TEX11: variants seen among roughly 807,000 people sequenced by gnomAD.
The protein encoded by TEX11 is testis expressed 11, also known as testis-expressed protein 11.
TEX11 carries 7 observed loss-of-function variants against 84.4 expected under a neutral mutation model. The observed-to-expected ratio is 0.08, with a 90% CI of 0.05 to 0.16. The LOEUF (loss-of-function observed/expected upper bound fraction) is 0.16. Ranked by LOEUF, TEX11 falls within the 10% of genes least tolerant of loss-of-function variation. TEX11 has a pLI of 1.00. For missense variants in TEX11, 551 were observed against 660.5 expected, an observed-to-expected ratio of 0.83 and a Z score of 1.82; for synonymous variants, 264 against 222.8, an observed-to-expected ratio of 1.18 and a Z score of -1.64.
chrX:70,894,356 A>G (rs1172292608), intron 2 of TEX11, among the ~76,000 whole-genome samples: 2 of 110,615 alleles, frequency 1.8e-5, no homozygotes, highest in African/African-American at 6.6e-5. Flanking sequence ...GGCCAGGCGC[A>G]GTGGCTCACA....
intron 2 of TEX11, 105 bp from the exon 3 acceptor site, chrX:70,880,214 G>C: frequency 1.9e-6 from 1 of 519,679 alleles, no homozygotes; most frequent in Non-Finnish European, 2.8e-6. Flanking sequence ...AATGAATACA[G>C]CATGAAGGAA....
intron 9 of TEX11, among the ~76,000 whole-genome samples, chrX:70,751,128 T>G (rs2090821051): frequency 9.6e-6 from 1 of 104,348 alleles, no homozygotes; most frequent in African/African-American, 3.4e-5. Flanking sequence ...CTCCCATTAC[T>G]GGGTATATAC....
chrX:70,860,913 G>A lies in TEX11; in HGVS notation c.268C>T (p.Leu90=), dbSNP rs758018738. 8.5e-7 allele frequency: 1 copy of A among 1,182,190 alleles called. No homozygotes were observed. The highest frequency in any genetic ancestry group is 2.6e-5 in the Admixed American group (1 of 39,107). ...GCAAATGAGGCTTCACACATACTCA[G>A]CAACTTGCAAGCAACATAATGTACT... The part of the protein sequence containing the change: ...IRLHYVACKL[L]SMCEASFASE... The change falls in exon 5 of 30, where the codon CTG becomes TTG. Residue 90 remains leucine, a synonymous_variant. Transcript: ENST00000374333.
chrX:70,718,673 A>G (rs1164062344), intron 13 of TEX11, among the ~76,000 whole-genome samples: 1 of 111,217 alleles, frequency 9.0e-6, no homozygotes, highest in Non-Finnish European at 1.9e-5. Context: ...ACATCCCGAA[A>G]CTCCCCTTCA....
At chrX:70,696,017 T>C (rs1313826080) in intron 13 of TEX11, among the ~76,000 whole-genome samples, 1 of 111,769 alleles carries the variant, frequency 8.9e-6, no homozygotes, top group Non-Finnish European at 1.9e-5. Context: ...TAATGATCAT[T>C]TTTCCATTTC....
At chrX:70,725,784 T>C (rs1225067316) in intron 11 of TEX11, among the ~76,000 whole-genome samples, 1 of 112,162 alleles carries the variant, frequency 8.9e-6, no homozygotes, top group South Asian at 3.7e-4. Context: ...AACAACGTTA[T>C]TTCTAAATCA....
chrX:70,648,197 G>A (rs1220365222), intron 17 of TEX11, among the ~76,000 whole-genome samples: 1 of 110,877 alleles, frequency 9.0e-6, no homozygotes, highest in African/African-American at 3.3e-5. Context: ...CTCACTCATA[G>A]GTGGGAATTG....
chrX:70,698,729 CT>C (rs1212276738), intron 13 of TEX11, among the ~76,000 whole-genome samples: 1 of 66,041 alleles, frequency 1.5e-5, no homozygotes, highest in East Asian at 5.0e-4. Context: ...TTATGGGAAC[CT>C]CCCAGCTTGA....
At chrX:70,746,033 A>C (rs1463129239) in intron 9 of TEX11, among the ~76,000 whole-genome samples, 2 of 111,909 alleles carry the variant, frequency 1.8e-5, no homozygotes, top group Non-Finnish European at 3.8e-5. Context: ...AATTGTCCTA[A>C]GGGCACACAG....
intron 8 of TEX11, among the ~76,000 whole-genome samples, chrX:70,831,929 GA>G (rs775434647): frequency 4.5e-5 from 5 of 110,350 alleles, no homozygotes; most frequent in Non-Finnish European, 9.4e-5. Flanking sequence ...AAAAATGGAG[GA>G]AAAAAGAATA....
intron 24 of TEX11, among the ~76,000 whole-genome samples, chrX:70,593,538 A>AT (rs1281643408): frequency 8.9e-6 from 1 of 112,168 alleles, no homozygotes. Flanking sequence ...ACAGGAACTG[A>AT]TTTTGAAAAA....
intron 17 of TEX11, among the ~76,000 whole-genome samples, chrX:70,641,377 AG>A (rs1370975963): frequency 1.8e-5 from 2 of 110,817 alleles, no homozygotes; most frequent in Non-Finnish European, 3.8e-5. Context: ...AAAGTCAACA[AG>A]GATACCCAGG....
chrX:70,664,971 C>T (rs1324633324), intron 16 of TEX11, among the ~76,000 whole-genome samples: 1 of 109,227 alleles, frequency 9.2e-6, no homozygotes, highest in African/African-American at 3.3e-5. Context: ...GCTCATTTTT[C>T]GAACTTTATA....
At chrX:70,742,593 G>C (rs1004549166) in intron 10 of TEX11, among the ~76,000 whole-genome samples, 46 of 109,626 alleles carry the variant, frequency 4.2e-4, no homozygotes, top group Non-Finnish European at 6.8e-4. Context: ...GCCAGATGTG[G>C]TGGAGTGTAC....
At chrX:70,560,875 G>T (rs1485856116) in intron 25 of TEX11, among the ~76,000 whole-genome samples, 5 of 96,232 alleles carry the variant, frequency 5.2e-5, no homozygotes, top group African/African-American at 2.0e-4. Flanking sequence ...GTGACCACAG[G>T]TGCATGCCAC....
chrX:70,726,792 A>G (rs1202235448), intron 11 of TEX11, among the ~76,000 whole-genome samples: 4 of 108,318 alleles, frequency 3.7e-5, no homozygotes, highest in Non-Finnish European at 3.8e-5. Context: ...CAGCCTCCCA[A>G]AGTGCAGGGA....
At chrX:70,712,282 T>G (rs2090443948) in intron 13 of TEX11, among the ~76,000 whole-genome samples, 1 of 111,690 alleles carries the variant, frequency 9.0e-6, no homozygotes, top group African/African-American at 3.3e-5. Flanking sequence ...GGCTCTTTTT[T>G]GGTTCCATAT....
chrX:70,687,344 T>C (rs1186162515), intron 13 of TEX11, among the ~76,000 whole-genome samples: 2 of 112,100 alleles, frequency 1.8e-5, no homozygotes, highest in Non-Finnish European at 3.8e-5. Flanking sequence ...ATCCTCAATA[T>C]TCTTAAGTAT....
Position 70,732,269 on chromosome X carries a change from C to A in TEX11, c.844-6926G>T, listed in dbSNP as rs979820915. On this transcript the variant is annotated intron_variant, in intron 11 of 29. Coordinates refer to ENST00000374333, the MANE Select transcript of TEX11 (RefSeq NM_031276.3). The stretch of plus-strand genomic sequence containing the variant: ...AAGACAGGGATGCCCTCTCTCACCA[C>A]TCCTATTCAACATAGTGTTGGAAGT... 2.7e-5 allele frequency among the ~76,000 whole-genome samples: 3 copies of A among 111,742 alleles called. No homozygotes were observed. The Admixed American group carries it at 2.9e-4, about 11-fold the overall frequency.
Sources: allele counts gnomAD v4.1 joint callset (sites outside exome capture counted in the v4.1 genomes callset), GRCh38; gene constraint gnomAD v4.1.1; transcripts MANE v1.5; gene names NCBI Gene and HGNC (gene_info 2026-07-23, HGNC 2026-07-21).